Variants in DISC1 observed in about 807,000 individuals in gnomAD.
DISC1 encodes disrupted in schizophrenia 1 protein.
DISC1 carries 57 observed loss-of-function variants against 84.5 expected under a neutral mutation model. The observed-to-expected ratio is 0.67, with a 90% confidence interval of 0.55 to 0.84. The LOEUF (loss-of-function observed/expected upper bound fraction) is 0.84, where lower values mean the gene tolerates loss of function less well. DISC1 is among the 40% of genes least tolerant of loss of function. The pLI is 0.00. For missense variants in DISC1, 1,000 were observed against 1,057.8 expected (o/e 0.95, Z 0.76); for synonymous variants, 411 against 415.2 (o/e 0.99, Z 0.12).
At chr1:231,701,906 C>A in intron 2 of DISC1, 49 bp from the exon 3 acceptor site, 1 of 1,475,320 alleles carries the variant, frequency 6.8e-7, no homozygotes, top group Admixed American at 1.9e-5. Context: ...AAAATGTTTG[C>A]TTGAATTCTA....
intron 9 of DISC1, among the ~76,000 whole-genome samples, chr1:231,912,742 C>CTTCT (rs72513675): frequency 0.021 from 2,820 of 132,436 alleles, 37 homozygotes; most frequent in Non-Finnish European, 0.023. Context: ...GCAGCTTGCT[C>CTTCT]TTCTTTCTTT....
intron 9 of DISC1, among the ~76,000 whole-genome samples, chr1:231,837,946 CT>C (rs140816793): frequency 0.012 from 1,762 of 152,022 alleles, 35 homozygotes; most frequent in African/African-American, 0.041. Flanking sequence ...TCATTTATGC[CT>C]TTTTTTTCTT....
At chr1:231,861,369 A>G (rs2084631449) in intron 9 of DISC1, among the ~76,000 whole-genome samples, 1 of 149,264 alleles carries the variant, frequency 6.7e-6, no homozygotes, top group Non-Finnish European at 1.5e-5. Context: ...GCCTCAAGCA[A>G]TCCTCCCCCA....
chr1:231,794,032 C>G (rs115810286), intron 6 of DISC1, among the ~76,000 whole-genome samples: 2,825 of 152,294 alleles, frequency 0.019, 33 homozygotes, highest in Non-Finnish European at 0.025. Context: ...GATCCACCCC[C>G]CAAGGCCTCC....
chr1:231,651,677 A>G (rs922478634), intron 1 of DISC1, among the ~76,000 whole-genome samples: 3 of 152,254 alleles, frequency 2.0e-5, no homozygotes, highest in Admixed American at 6.5e-5. Flanking sequence ...TTGTTCAGCT[A>G]TGCCCTGCCC....
intron 3 of DISC1, among the ~76,000 whole-genome samples, chr1:231,725,865 T>C (rs1458220725): frequency 6.6e-6 from 1 of 151,920 alleles, no homozygotes; most frequent in East Asian, 1.9e-4. Flanking sequence ...GTGGTGTCTT[T>C]GAGGGAATGA....
chr1:231,915,401 A>G (rs1431629826), intron 9 of DISC1, among the ~76,000 whole-genome samples: 1 of 152,208 alleles, frequency 6.6e-6, no homozygotes, highest in African/African-American at 2.4e-5. Context: ...AAGCTGCCCA[A>G]TGACACTCCC....
At chr1:231,892,487 G>A (rs2087311493) in intron 9 of DISC1, among the ~76,000 whole-genome samples, 1 of 152,008 alleles carries the variant, frequency 6.6e-6, no homozygotes, top group Non-Finnish European at 1.5e-5. Flanking sequence ...TAAAATAGAG[G>A]TAAAGATACA....
intron 1 of DISC1, among the ~76,000 whole-genome samples, chr1:231,632,779 T>G (rs905614497): frequency 6.6e-6 from 1 of 152,092 alleles, no homozygotes; most frequent in Non-Finnish European, 1.5e-5. Context: ...TCTTAAAAAC[T>G]TAGATTTTCA....
chr1:231,699,863 TA>T (rs2066188050), intron 2 of DISC1, among the ~76,000 whole-genome samples: 1 of 152,202 alleles, frequency 6.6e-6, no homozygotes, highest in Non-Finnish European at 1.5e-5. Context: ...AGTTTTCCCT[TA>T]CATCAATCTG....
intron 3 of DISC1, among the ~76,000 whole-genome samples, chr1:231,709,058 G>A (rs1392235866): frequency 6.6e-6 from 1 of 152,142 alleles, no homozygotes; most frequent in African/African-American, 2.4e-5. Context: ...AAATACCATA[G>A]GAAGAGAATA....
intron 9 of DISC1, among the ~76,000 whole-genome samples, chr1:231,821,777 G>A (rs761519780): frequency 6.7e-6 from 1 of 149,362 alleles, no homozygotes; most frequent in Non-Finnish European, 1.5e-5. Context: ...GTAATGGTGC[G>A]ATCTCTGCTC....
intron 7 of DISC1, 100 bp from the exon 8 acceptor site, chr1:231,800,008 T>C (rs892805625): frequency 7.2e-5 from 57 of 792,602 alleles, no homozygotes; most frequent in Non-Finnish European, 1.2e-4. Context: ...TCACCCCTTT[T>C]AATTACTTAC....
chr1:231,647,659 A>C (rs895168770), intron 1 of DISC1, among the ~76,000 whole-genome samples: 2 of 152,096 alleles, frequency 1.3e-5, no homozygotes, highest in African/African-American at 4.8e-5. Flanking sequence ...CAGTATGGCC[A>C]TTTTCACGAT....
intron 3 of DISC1, among the ~76,000 whole-genome samples, chr1:231,742,075 T>C (rs2073352696): frequency 6.6e-6 from 1 of 152,194 alleles, no homozygotes; most frequent in South Asian, 2.1e-4. Flanking sequence ...CAAAGTCTGC[T>C]ACAATGGCCT....
intron 6 of DISC1, among the ~76,000 whole-genome samples, chr1:231,774,045 T>C (rs1202448078): frequency 6.6e-6 from 1 of 151,928 alleles, no homozygotes; most frequent in Admixed American, 6.6e-5. Context: ...GGAAGAATGC[T>C]TGAGTCCAGG....
intron 8 of DISC1, among the ~76,000 whole-genome samples, chr1:231,814,207 G>A (rs1020354783): frequency 6.6e-6 from 1 of 152,200 alleles, no homozygotes; most frequent in East Asian, 1.9e-4. Context: ...CTGGGGTGAT[G>A]TTCGAGTTGG....
chr1:231,999,093 G>A (rs186279517), intron 10 of DISC1, among the ~76,000 whole-genome samples: 6 of 151,926 alleles, frequency 3.9e-5, no homozygotes, highest in Non-Finnish European at 2.9e-5. Context: ...AATAGAAGAA[G>A]ATTTGATCCA....
At chr1:231,930,384 G>T (rs1435462149) in intron 9 of DISC1, among the ~76,000 whole-genome samples, 1 of 152,136 alleles carries the variant, frequency 6.6e-6, no homozygotes, top group Admixed American at 6.5e-5. Flanking sequence ...GTGTGCCAGG[G>T]ATCGCTCTAA....
Sources: allele counts gnomAD v4.1 joint callset (sites outside exome capture counted in the v4.1 genomes callset), GRCh38; gene constraint gnomAD v4.1.1; transcripts MANE v1.5; gene names NCBI Gene and HGNC (gene_info 2026-07-23, HGNC 2026-07-21).